Variants in NBEAL1 observed in about 807,000 individuals in gnomAD.
NBEAL1 encodes neurobeachin-like protein 1.
A neutral mutation model predicts 351.3 loss-of-function variants in NBEAL1; 273 were observed. The ratio of observed to expected loss-of-function variants is 0.78; its 90% CI spans 0.70 to 0.86. NBEAL1 has a LOEUF of 0.86. NBEAL1 is among the 40% of genes least tolerant of loss of function. The pLI is 0.00. For synonymous variants in NBEAL1, 1,050 were observed against 1,086.4 expected (o/e 0.97, Z 0.66); for missense variants, 2,961 against 3,201.3 (o/e 0.92, Z 1.81).
Position 203,225,093 on chromosome 2 carries a change from T to C in NBEAL1, c.*7739T>C, listed in dbSNP as rs72936375. Among the ~76,000 whole-genome samples, 1 of 152,216 alleles carries C rather than the reference T, an allele frequency of 6.6e-6. No homozygotes were observed. The highest frequency in any genetic ancestry group is 1.5e-5 in the Non-Finnish European group (1 of 68,026). ...TTTAGGCCCTTGGAAATTTGTATTCTAATACTTTTTAAGAATGTCCATTTA... is the reference window on the plus strand; with the variant it reads ...TTTAGGCCCTTGGAAATTTGTATTCCAATACTTTTTAAGAATGTCCATTTA... On this transcript the variant is annotated 3_prime_UTR_variant, in exon 56 of 56. Coordinates refer to ENST00000683969, the MANE Select transcript of NBEAL1 (RefSeq NM_001378026.1).
chr2:203,128,408 A>G (rs1474180303), intron 24 of NBEAL1, among the ~76,000 whole-genome samples: 1 of 151,658 alleles, frequency 6.6e-6, no homozygotes, highest in Admixed American at 6.6e-5. Flanking sequence ...ACGCCAGGCC[A>G]GAAGTAAATT....
At chr2:203,131,835 AAT>A in intron 25 of NBEAL1, 136 bp from the exon 26 acceptor site, 3 of 549,002 alleles carry the variant, frequency 5.5e-6, no homozygotes, top group Non-Finnish European at 9.1e-6. Flanking sequence ...AGTTAATAGC[AAT>A]ACTTACTAAC....
intron 43 of NBEAL1, chr2:203,181,202 G>T (rs1005575869): frequency 6.6e-6 from 1 of 151,944 alleles, no homozygotes; most frequent in African/African-American, 2.4e-5. Context: ...AAAGTGCTCG[G>T]ATTACAGGTG....
Position 203,136,181 on chromosome 2 carries a change from T to C in NBEAL1, c.4318T>C (p.Ser1440Pro). The C allele has an allele frequency of 6.2e-7, 1 of 1,613,096 alleles. No individual in the cohort carries two copies. Among genetic ancestry groups the C allele is most frequent in the Non-Finnish European group, 8.5e-7 (1 of 1,179,730 alleles). ...VESTKSFSVH[S>P]DRESSITNDM... ...GTCTACTAAATCGTTTTCTGTGCAC[T>C]CTGACAGAGAAAGCAGCATCACAAA... Residue 1440 changes from serine (S) to proline (P), a missense_variant, in exon 28 of 56, where the codon TCT (serine) becomes CCT (proline). Physicochemically the swap from Ser to Pro is moderately conservative, Grantham distance 74 (BLOSUM62 -1). Transcript: ENST00000683969.
intron 42 of NBEAL1, among the ~76,000 whole-genome samples, chr2:203,176,482 T>A (rs1382250821): frequency 6.6e-6 from 1 of 152,082 alleles, no homozygotes; most frequent in African/African-American, 2.4e-5. Flanking sequence ...CCCAGCACTT[T>A]GGGAGGCCAA....
At chr2:203,076,038 C>CA (rs555787573) in intron 7 of NBEAL1, among the ~76,000 whole-genome samples, 46 of 152,144 alleles carry the variant, frequency 3.0e-4, no homozygotes, top group Non-Finnish European at 4.9e-4. Flanking sequence ...ATGACATGTG[C>CA]AAAAGGGTAT....
chr2:203,215,378 C>G (rs557062989), intron 55 of NBEAL1, among the ~76,000 whole-genome samples: 17 of 152,298 alleles, frequency 1.1e-4, no homozygotes, highest in Admixed American at 9.8e-4. Flanking sequence ...TGGCACGTGC[C>G]TGTAGTCCCA....
At chr2:203,186,510 G>A (rs2064901516) in intron 44 of NBEAL1, among the ~76,000 whole-genome samples, 1 of 152,112 alleles carries the variant, frequency 6.6e-6, no homozygotes, top group African/African-American at 2.4e-5. Flanking sequence ...CATGCTCTCA[G>A]ATCTTCTGTT....
chr2:203,149,588 C>G lies in NBEAL1; in HGVS notation c.5462+440C>G, dbSNP rs75600502. On this transcript the variant is annotated intron_variant, in intron 34 of 55. Coordinates refer to ENST00000683969, the MANE Select transcript of NBEAL1 (RefSeq NM_001378026.1). ...GTGGTAAAATGTACATAAAATTTAT[C>G]CTTTTAACCATTTTAAAATGTACAG... is the stretch of plus-strand genomic sequence containing the variant. Among the ~76,000 whole-genome samples, 24 of 152,058 alleles carry G rather than the reference C, an allele frequency of 1.6e-4. 1 individual carries two copies. The East Asian group carries it at 4.6e-3, about 29-fold the overall frequency.
chr2:203,216,544 C>T (rs1218562617), intron 55 of NBEAL1, among the ~76,000 whole-genome samples: 1 of 151,898 alleles, frequency 6.6e-6, no homozygotes, highest in Non-Finnish European at 1.5e-5. Context: ...AGGACTTCAC[C>T]AGCCTGGGCA....
At chr2:203,212,511 G>A (rs2065814437) in intron 54 of NBEAL1, among the ~76,000 whole-genome samples, 11 of 151,614 alleles carry the variant, frequency 7.3e-5, no homozygotes, top group Admixed American at 6.6e-4. Context: ...AGGAGCCTGA[G>A]GCAGGAGAAT....
intron 55 of NBEAL1, among the ~76,000 whole-genome samples, chr2:203,215,030 T>C (rs1265871502): frequency 6.6e-6 from 1 of 152,102 alleles, no homozygotes; most frequent in East Asian, 1.9e-4. Context: ...GTATGAGGCT[T>C]ATCTTTTATC....
chr2:203,023,809 TG>T (rs2060807718), intron 2 of NBEAL1, among the ~76,000 whole-genome samples: 1 of 152,224 alleles, frequency 6.6e-6, no homozygotes, highest in Non-Finnish European at 1.5e-5. Flanking sequence ...GTTCTCATAT[TG>T]GGAATTATTG....
At position 203,062,019 on chromosome 2, in the gene NBEAL1, T is replaced by C. The variant is rs1452909820; in HGVS notation, c.515+4566T>C. On this transcript the variant is annotated intron_variant, in intron 6 of 55. Coordinates refer to ENST00000683969, the MANE Select transcript of NBEAL1 (RefSeq NM_001378026.1). The surrounding 1 kb of genome is among the most constrained non-coding windows in gnomAD (Gnocchi z 4.2). ...TTTCACAGTCCTCACACTCAAATAG[T>C]TTGTGTCCAGAGTGAGATATAATAT... 6.0e-6 allele frequency: 2 copies of C among 333,596 alleles called. No individual in the cohort carries two copies. The highest frequency in any genetic ancestry group is 4.4e-5 in the African/African-American group (2 of 45,006). 20.7% of individuals were successfully genotyped at this position (333,596 alleles called of 1,614,324 possible). A position where few individuals can be genotyped will look rare whatever the true frequency, so the allele number is the denominator to read the frequency against.
intron 25 of NBEAL1, among the ~76,000 whole-genome samples, chr2:203,130,762 C>T (rs754056391): frequency 6.6e-6 from 1 of 152,144 alleles, no homozygotes; most frequent in Non-Finnish European, 1.5e-5. Context: ...CAATTCAGAA[C>T]ATTTCAACAG....
At chr2:203,135,515 C>T (rs2063179745) in intron 27 of NBEAL1, among the ~76,000 whole-genome samples, 162 bp from the exon 28 acceptor site, 1 of 152,064 alleles carries the variant, frequency 6.6e-6, no homozygotes, top group Non-Finnish European at 1.5e-5. Flanking sequence ...TGCCAGTCTT[C>T]CAAATAGTTT....
At chr2:203,163,410 A>G (rs1377020810) in intron 36 of NBEAL1, among the ~76,000 whole-genome samples, 1 of 152,140 alleles carries the variant, frequency 6.6e-6, no homozygotes, top group Non-Finnish European at 1.5e-5. Context: ...ATTTACAAAC[A>G]GTAAAATATA....
intron 10 of NBEAL1, among the ~76,000 whole-genome samples, chr2:203,093,731 G>A (rs928599326): frequency 2.0e-5 from 3 of 152,164 alleles, no homozygotes; most frequent in African/African-American, 7.2e-5. Flanking sequence ...GCACACCTCT[G>A]TAATCCTAGC....
chr2:203,127,816 A>C lies in NBEAL1; in HGVS notation c.3284A>C (p.Asp1095Ala). The C allele has an allele frequency of 6.6e-7, 1 of 1,521,376 alleles. No individual in the cohort carries two copies. Among genetic ancestry groups the C allele is most frequent in the South Asian group, 1.2e-5 (1 of 83,488 alleles). 94.2% of individuals were successfully genotyped at this position (1,521,376 alleles called of 1,614,324 possible). ...GCKYNELSLD[D>A]IRTIRTSLYG... ...AAATATAATGAACTATCTCTAGATG[A>C]TATTCGAACAATAAGGACTTCTTTG... The change falls in exon 24 of 56, where the codon GAT becomes GCT. Residue 1095 changes from aspartate (D) to alanine (A), a missense_variant. By Grantham distance (126) the Asp-to-Ala change is moderately radical. Transcript: ENST00000683969.
Sources: allele counts gnomAD v4.1 joint callset (sites outside exome capture counted in the v4.1 genomes callset), GRCh38; gene constraint gnomAD v4.1.1; non-coding constraint Gnocchi (gnomAD v3.1); transcripts MANE v1.5; gene names NCBI Gene and HGNC (gene_info 2026-07-23, HGNC 2026-07-21).